Variants in DIP2B observed in about 807,000 individuals in gnomAD.
DIP2B encodes the protein disco-interacting protein 2 homolog B.
DIP2B carries 76 observed loss-of-function variants against 198.0 expected under a neutral mutation model. The observed-to-expected ratio is 0.38, with a 90% CI of 0.32 to 0.46. The LOEUF is 0.46. Among genes scored for constraint, DIP2B ranks in the 20% least tolerant of loss-of-function variants. The probability of loss-of-function intolerance (pLI) is 0.99; values close to 1 mark genes in which losing one functional copy is unlikely to be tolerated. For missense variants in DIP2B, 1,559 were observed against 1,978.4 expected, an observed-to-expected ratio of 0.79 and a Z score of 4.02; for synonymous variants, 701 against 739.1, an observed-to-expected ratio of 0.95 and a Z score of 0.84.
intron 1 of DIP2B, among the ~76,000 whole-genome samples, chr12:50,560,877 G>A (rs1306818213): frequency 6.6e-6 from 1 of 152,308 alleles, no homozygotes; most frequent in Middle Eastern, 3.4e-3. Flanking sequence ...AAAATTTAGT[G>A]GTTTAATTTC....
intron 1 of DIP2B, among the ~76,000 whole-genome samples, chr12:50,568,280 T>G (rs565834014): frequency 1.3e-5 from 2 of 152,308 alleles, no homozygotes; most frequent in Non-Finnish European, 2.9e-5. Flanking sequence ...TTATGTAGAA[T>G]TGGGGATCCC....
chr12:50,719,939 G>A (rs958028689), intron 25 of DIP2B, among the ~76,000 whole-genome samples: 1 of 147,828 alleles, frequency 6.8e-6, no homozygotes, highest in Admixed American at 6.8e-5. Context: ...ATATATATAT[G>A]TATTTTTTTG....
intron 30 of DIP2B, among the ~76,000 whole-genome samples, chr12:50,729,161 C>A (rs1939991276): frequency 6.6e-6 from 1 of 152,162 alleles, no homozygotes; most frequent in Non-Finnish European, 1.5e-5. Flanking sequence ...TCATCTCAGA[C>A]CTGCATTTTC....
intron 1 of DIP2B, among the ~76,000 whole-genome samples, chr12:50,518,504 C>T (rs1034434241): frequency 6.6e-6 from 1 of 152,122 alleles, no homozygotes; most frequent in Non-Finnish European, 1.5e-5. Context: ...CCACAACGCC[C>T]GGCCCTTGGG....
At chr12:50,701,380 T>TTTG (rs923771734) in intron 19 of DIP2B, among the ~76,000 whole-genome samples, 16 of 152,292 alleles carry the variant, frequency 1.1e-4, no homozygotes, top group East Asian at 5.8e-4. Context: ...GGTTTGTTTT[T>TTTG]TTGTTGTTGT....
At chr12:50,590,750 CA>C (rs1482177210) in intron 1 of DIP2B, among the ~76,000 whole-genome samples, 3 of 152,140 alleles carry the variant, frequency 2.0e-5, no homozygotes, top group Non-Finnish European at 4.4e-5. Flanking sequence ...TGTTTAAAAA[CA>C]AACAAGAATT....
At chr12:50,654,878 C>T (rs929004604) in intron 3 of DIP2B, 1 of 280,294 alleles carries the variant, frequency 3.6e-6, no homozygotes, top group African/African-American at 2.2e-5. Context: ...ACAACACACT[C>T]TGAAGGTTAG....
chr12:50,583,197 CAT>C (rs1375969580), intron 1 of DIP2B, among the ~76,000 whole-genome samples: 1 of 152,154 alleles, frequency 6.6e-6, no homozygotes, highest in African/African-American at 2.4e-5. Flanking sequence ...AACCCACACA[CAT>C]GTCCTTTATT....
chr12:50,550,478 T>G (rs1299483241), intron 1 of DIP2B, among the ~76,000 whole-genome samples: 1 of 152,206 alleles, frequency 6.6e-6, no homozygotes, highest in African/African-American at 2.4e-5. Context: ...TATTAATAGC[T>G]CTATAAAAGT....
intron 12 of DIP2B, among the ~76,000 whole-genome samples, chr12:50,689,452 G>A (rs987243760): frequency 6.6e-6 from 1 of 152,198 alleles, no homozygotes; most frequent in African/African-American, 2.4e-5. Context: ...GAGCAAAGTA[G>A]ATGGAGCTTC....
intron 12 of DIP2B, among the ~76,000 whole-genome samples, chr12:50,688,935 T>C (rs1469785089): frequency 6.6e-6 from 1 of 152,196 alleles, no homozygotes; most frequent in Non-Finnish European, 1.5e-5. Context: ...GTGCCTGTTA[T>C]TTTGAATTAA....
At chr12:50,568,152 A>G (rs1958582234) in intron 1 of DIP2B, among the ~76,000 whole-genome samples, 2 of 152,144 alleles carry the variant, frequency 1.3e-5, no homozygotes, top group Non-Finnish European at 2.9e-5. Context: ...CCTAAGCACT[A>G]ATCAGGTCTG....
At chr12:50,682,628 C>CAAAAAAA (rs58672851) in intron 9 of DIP2B, among the ~76,000 whole-genome samples, 24 of 42,128 alleles carry the variant, frequency 5.7e-4, no homozygotes, top group African/African-American at 2.3e-3. Context: ...GACTCTGTCT[C>CAAAAAAA]AAAAAAAAAA....
At chr12:50,595,202 G>C (rs1027572248) in intron 1 of DIP2B, among the ~76,000 whole-genome samples, 1 of 152,232 alleles carries the variant, frequency 6.6e-6, no homozygotes, top group African/African-American at 2.4e-5. Flanking sequence ...ATGCGTGTTT[G>C]CAAGCTAGTC....
chr12:50,526,073 G>A (rs541113163), intron 1 of DIP2B, among the ~76,000 whole-genome samples: 110 of 152,246 alleles, frequency 7.2e-4, no homozygotes, highest in Non-Finnish European at 1.2e-3. Context: ...TTTGAGTGCA[G>A]AGATTTTACT....
At chr12:50,653,066 T>TC (rs1294290626) in intron 3 of DIP2B, among the ~76,000 whole-genome samples, 1 of 151,954 alleles carries the variant, frequency 6.6e-6, no homozygotes, top group Non-Finnish European at 1.5e-5. Flanking sequence ...CTTCAGTTTT[T>TC]CTGAAAGAGT....
chr12:50,735,282 A>G (rs1940116813), intron 34 of DIP2B, 152 bp downstream of exon 34: 3 of 753,718 alleles, frequency 4.0e-6, no homozygotes, highest in Admixed American at 2.6e-5. Flanking sequence ...TTTCAAATTC[A>G]TATGGGTACA....
chr12:50,667,534 C>T lies in DIP2B; in HGVS notation c.428-3652C>T, dbSNP rs536431134. ...GTTTTGATTTTTAAAAAGATACAAT[C>T]CCAGAGCAGTGCTACATTTTATGTA... On this transcript the variant is annotated intron_variant, in intron 4 of 37. Coordinates refer to ENST00000301180, the MANE Select transcript of DIP2B (RefSeq NM_173602.3). Among the ~76,000 whole-genome samples, 25 of 152,212 alleles carry T rather than the reference C, an allele frequency of 1.6e-4. No homozygotes were observed. The South Asian group carries it at 4.8e-3, about 29-fold the overall frequency.
chr12:50,663,580 A>G (rs1011218250), intron 4 of DIP2B, among the ~76,000 whole-genome samples: 5 of 151,506 alleles, frequency 3.3e-5, no homozygotes, highest in African/African-American at 1.2e-4. Flanking sequence ...ATAAATAAAT[A>G]AAACAGTTGT....
Sources: gnomAD v4.1 joint callset for allele counts (sites outside exome capture counted in the v4.1 genomes callset) on GRCh38, gnomAD v4.1.1 for gene constraint, MANE v1.5 for transcripts, NCBI Gene and HGNC (gene_info 2026-07-23, HGNC 2026-07-21) for gene names.